The following RXYLT1 variants were observed in gnomAD, a reference collection of about 807,000 sequenced individuals.
The protein encoded by RXYLT1 is ribitol-5-phosphate xylosyltransferase 1.
A neutral mutation model predicts 43.5 loss-of-function variants in RXYLT1; 41 were observed. The observed-to-expected ratio is 0.94, with a 90% confidence interval of 0.73 to 1.22. The LOEUF (loss-of-function observed/expected upper bound fraction) is 1.22, where lower values mean the gene tolerates loss of function less well. RXYLT1 is among the 50% of genes most tolerant of loss of function. The pLI is 0.00. For missense variants in RXYLT1, 514 were observed against 532.0 expected (o/e 0.97, Z 0.33); for synonymous variants, 166 against 194.4 (o/e 0.85, Z 1.21).
rs759595438 is a variant in RXYLT1, at chr12:63,780,020, C to T, written c.60C>T (p.Ser20=). 1.2e-6 allele frequency: 2 copies of T among 1,610,338 alleles called. No individual in the cohort carries two copies. Among genetic ancestry groups the T allele is most frequent in the South Asian group, 1.1e-5 (1 of 91,040 alleles). ...TTATCGCCCTGTACTGCCTATTCTC[C>T]CTCTACGCTGCCTACCACGTCTTCT... ...SFLIALYCLF[S]LYAAYHVFFG... is the part of the protein sequence containing the mutation. The change falls in exon 1 of 6, where the codon TCC becomes TCT. Residue 20 remains serine (S), a synonymous_variant. Coordinates refer to ENST00000261234, the MANE Select transcript of RXYLT1 (RefSeq NM_014254.3).
intron 3 of RXYLT1, among the ~76,000 whole-genome samples, chr12:63,786,480 C>T (rs528425070): frequency 5.9e-5 from 9 of 151,688 alleles, no homozygotes; most frequent in African/African-American, 2.2e-4. Flanking sequence ...CACTGTACTA[C>T]AGTCTATTAA....
intron 4 of RXYLT1, among the ~76,000 whole-genome samples, chr12:63,803,231 T>C (rs1898206482): frequency 7.3e-6 from 1 of 137,360 alleles, no homozygotes; most frequent in Admixed American, 7.3e-5. Context: ...TTTCTCCAGC[T>C]ATAAAATGGA....
chr12:63,799,394 TC>T lies in RXYLT1; in HGVS notation c.429-2695del, dbSNP rs1898109019. 1.3e-5 allele frequency among the ~76,000 whole-genome samples: 2 copies of T among 149,766 alleles called. 1 individual carries two copies. Among genetic ancestry groups the T allele is most frequent in the South Asian group, 4.2e-4 (2 of 4,712 alleles). On this transcript the variant is annotated intron_variant, in intron 3 of 5. Coordinates refer to ENST00000261234, the MANE Select transcript of RXYLT1 (RefSeq NM_014254.3). ...ATCTCAGCTCACTGCAGCCTTGACTTCCTGGGCTCAAGTGATCCTCCTGCCT... is the reference window on the plus strand; with the variant it reads ...ATCTCAGCTCACTGCAGCCTTGACTTCTGGGCTCAAGTGATCCTCCTGCCT...
At chr12:63,805,087 A>G (rs749423267) in intron 4 of RXYLT1, 147 bp from the exon 5 acceptor site, 2 of 538,098 alleles carry the variant, frequency 3.7e-6, no homozygotes, top group African/African-American at 2.0e-5. Flanking sequence ...GAGTTTTCCA[A>G]AGTATTCATG....
At chr12:63,780,203 C>T (rs1034007070) in intron 1 of RXYLT1, 74 bp downstream of exon 1, 1 of 1,393,578 alleles carries the variant, frequency 7.2e-7, no homozygotes, top group Non-Finnish European at 9.2e-7. Flanking sequence ...GGGCCGGGTC[C>T]CCGCACCCGG....
intron 4 of RXYLT1, 127 bp downstream of exon 4, chr12:63,802,532 C>CA: frequency 2.4e-6 from 2 of 828,556 alleles, no homozygotes; most frequent in Non-Finnish European, 3.5e-6. Context: ...CAGTCTTTCT[C>CA]AGAGATAAAA....
At chr12:63,799,297 C>G in intron 3 of RXYLT1, among the ~76,000 whole-genome samples, 1 of 118,390 alleles carries the variant, frequency 8.4e-6, no homozygotes, top group East Asian at 2.6e-4. Context: ...TTTTTCTTTT[C>G]TTTTCTTTTT....
At chr12:63,787,212 CA>C (rs1217065175) in intron 3 of RXYLT1, among the ~76,000 whole-genome samples, 4 of 152,204 alleles carry the variant, frequency 2.6e-5, no homozygotes. Flanking sequence ...CCAATGTTCA[CA>C]ACATTGTATC....
chr12:63,805,109 T>C lies in RXYLT1; in HGVS notation c.744-125T>C, dbSNP rs945009498. On this transcript the variant is annotated intron_variant, in intron 4 of 5. Coordinates refer to ENST00000261234, the MANE Select transcript of RXYLT1 (RefSeq NM_014254.3). ...CCAAAGTATTCATGGAAAATTACAA[T>C]TTGAGATTTAGAAATCACATTTTAA... is the stretch of plus-strand genomic sequence containing the variant. 14 of 645,006 alleles carry C rather than the reference T, an allele frequency of 2.2e-5. No individual in the cohort carries two copies. The African/African-American group carries it at 2.5e-4, about 11-fold the overall frequency. 40.0% of individuals were successfully genotyped at this position (645,006 alleles called of 1,614,324 possible).
intron 2 of RXYLT1, chr12:63,782,804 A>T (rs1592839936): frequency 4.4e-6 from 1 of 225,548 alleles, no homozygotes; most frequent in East Asian, 1.2e-4. Context: ...GTGCAGCCAC[A>T]TCCTTGGTCT....
chr12:63,790,541 CA>C (rs1379517982), intron 3 of RXYLT1: 1 of 152,130 alleles, frequency 6.6e-6, no homozygotes, highest in East Asian at 1.9e-4. Flanking sequence ...TTATTTTTTT[CA>C]GACAGAGTCT....
chr12:63,803,130 T>C (rs1856893937), intron 4 of RXYLT1, among the ~76,000 whole-genome samples: 1 of 133,220 alleles, frequency 7.5e-6, no homozygotes, highest in African/African-American at 2.9e-5. Context: ...GAGCTGAGAT[T>C]GTACCACTGC....
chr12:63,797,073 C>T (rs1898051684), intron 3 of RXYLT1, among the ~76,000 whole-genome samples: 1 of 150,664 alleles, frequency 6.6e-6, no homozygotes, highest in Non-Finnish European at 1.5e-5. Flanking sequence ...AAGCAATTCT[C>T]CTGCCTCAGC....
At chr12:63,781,672 C>T (rs1897687080) in intron 2 of RXYLT1, among the ~76,000 whole-genome samples, 1 of 152,132 alleles carries the variant, frequency 6.6e-6, no homozygotes, top group Non-Finnish European at 1.5e-5. Flanking sequence ...GTTGATTAAA[C>T]TTGATTGACC....
intron 3 of RXYLT1, among the ~76,000 whole-genome samples, chr12:63,786,621 C>T (rs1301595884): frequency 6.6e-6 from 1 of 152,084 alleles, no homozygotes; most frequent in Admixed American, 6.5e-5. Flanking sequence ...GGTCTTGCCT[C>T]GATGTTGATG....
intron 3 of RXYLT1, among the ~76,000 whole-genome samples, chr12:63,791,252 CTCA>C (rs1238093066): frequency 6.6e-6 from 1 of 152,168 alleles, no homozygotes; most frequent in Non-Finnish European, 1.5e-5. Context: ...CTTGATTCTG[CTCA>C]TCGTGACTTT....
In RXYLT1 at chr12:63,802,415, A is replaced by G. The variant is rs768357640; in HGVS notation, c.743+10A>G. 1.0e-5 allele frequency: 16 copies of G among 1,539,200 alleles called. No homozygotes were observed. In the East Asian group the frequency reaches 3.6e-4, roughly 35 times the overall value. ...CTTTAGGAGTAGCAACGTAAGTACA[A>G]AATATGATTAAACATTTTTAGGCCC... On this transcript the variant is annotated intron_variant, in intron 4 of 5. Transcript: ENST00000261234.
chr12:63,802,552 G>T, intron 4 of RXYLT1, 147 bp downstream of exon 4: 1 of 624,646 alleles, frequency 1.6e-6, no homozygotes. Context: ...AACAGGGTGT[G>T]GTCGCATCCT....
intron 3 of RXYLT1, among the ~76,000 whole-genome samples, chr12:63,801,242 A>T (rs982800426): frequency 2.1e-5 from 3 of 143,972 alleles, no homozygotes; most frequent in African/African-American, 7.5e-5. Flanking sequence ...GAGTGTCCTA[A>T]TCCTTGCTTT....
Sources: allele counts gnomAD v4.1 joint callset (sites outside exome capture counted in the v4.1 genomes callset), GRCh38; gene constraint gnomAD v4.1.1; transcripts MANE v1.5; gene names NCBI Gene and HGNC (gene_info 2026-07-23, HGNC 2026-07-21).